Variants in PDE4D observed in about 807,000 individuals in gnomAD.
The protein encoded by PDE4D is 3',5'-cyclic-AMP phosphodiesterase 4D.
PDE4D carries 24 observed loss-of-function variants against 87.4 expected under a neutral mutation model. That is an observed-to-expected ratio of 0.27 (90% CI 0.20 to 0.39). The LOEUF is 0.39. PDE4D is among the 10% of genes least tolerant of loss of function. PDE4D has a pLI of 1.00. For missense variants in PDE4D, 714 were observed against 1,041.0 expected (o/e 0.69, Z 4.32); for synonymous variants, 384 against 383.2 (o/e 1.00, Z -0.02).
chr5:60,210,802 GGTAGGCTACAAT>G (rs1242490623), intron 1 of PDE4D, among the ~76,000 whole-genome samples: 1 of 148,648 alleles, frequency 6.7e-6, no homozygotes, highest in Non-Finnish European at 1.5e-5. Flanking sequence ...AGGTAGTTCT[GGTAGGCTACAAT>G]GTAGGGGAAG....
At chr5:59,810,814 A>T (rs755510114) in intron 1 of PDE4D, among the ~76,000 whole-genome samples, 4 of 152,216 alleles carry the variant, frequency 2.6e-5, no homozygotes, top group Admixed American at 6.5e-5. Flanking sequence ...AAATCAGTGC[A>T]TTTTCATTTG....
chr5:59,635,292 C>T (rs1832092243), intron 1 of PDE4D, among the ~76,000 whole-genome samples: 1 of 152,112 alleles, frequency 6.6e-6, no homozygotes, highest in South Asian at 2.1e-4. Flanking sequence ...AATTCACAGC[C>T]AAATTCTACC....
chr5:60,104,640 G>A (rs1161794072), intron 2 of PDE4D, among the ~76,000 whole-genome samples: 2 of 152,140 alleles, frequency 1.3e-5, no homozygotes, highest in East Asian at 1.9e-4. Flanking sequence ...CACCACACAC[G>A]GCCAAGTACT....
At chr5:59,461,683 G>C (rs376483213) in intron 1 of PDE4D, among the ~76,000 whole-genome samples, 38 of 152,140 alleles carry the variant, frequency 2.5e-4, no homozygotes, top group African/African-American at 9.2e-4. Flanking sequence ...TGTTGTAATT[G>C]GTTTATTTGT....
chr5:59,416,659 G>A (rs988469451), intron 1 of PDE4D, among the ~76,000 whole-genome samples: 5 of 152,138 alleles, frequency 3.3e-5, no homozygotes, highest in African/African-American at 1.2e-4. Flanking sequence ...TGCATATGAA[G>A]CAATGTGTCC....
intron 1 of PDE4D, among the ~76,000 whole-genome samples, chr5:59,507,679 A>AAAAAAAAAAAAAAAAAAAAGAAAAG (rs61334148): frequency 4.2e-5 from 5 of 118,712 alleles, no homozygotes; most frequent in Non-Finnish European, 6.7e-5. Context: ...AAAAAAAAAA[A>AAAAAAAAAAAAAAAAAAAAGAAAAG]AAAAGAAAAG....
chr5:59,491,245 G>T (rs1806127657), intron 1 of PDE4D, among the ~76,000 whole-genome samples: 1 of 152,080 alleles, frequency 6.6e-6, no homozygotes, highest in African/African-American at 2.4e-5. Context: ...ATAACATAAA[G>T]TTGATAATAG....
intron 2 of PDE4D, among the ~76,000 whole-genome samples, chr5:60,059,092 T>G (rs1166865063): frequency 1.6e-5 from 2 of 123,038 alleles, no homozygotes; most frequent in East Asian, 3.9e-4. Context: ...AATAAACATG[T>G]TATTTCTCCA....
intron 1 of PDE4D, among the ~76,000 whole-genome samples, chr5:59,394,483 A>G (rs1286570640): frequency 6.6e-6 from 1 of 152,208 alleles, no homozygotes; most frequent in Admixed American, 6.5e-5. Flanking sequence ...TAATGTTACC[A>G]TTAATGCATG....
chr5:59,924,173 C>A (rs57605159), intron 3 of PDE4D, among the ~76,000 whole-genome samples: 3,339 of 152,056 alleles, frequency 0.022, 132 homozygotes, highest in African/African-American at 0.077. Context: ...AGTACACAGT[C>A]AGAAGAGACA....
At position 60,157,805 on chromosome 5, in the gene PDE4D, A is replaced by G. The variant is rs565052375; in HGVS notation, c.42+27752T>C. Among the ~76,000 whole-genome samples, 7 of 152,292 alleles carry G rather than the reference A, an allele frequency of 4.6e-5. No individual in the cohort carries two copies. In the South Asian group the frequency reaches 1.4e-3, roughly 32 times the overall value. ...CTCAGTTAGCTTTTCCCAATAAATA[A>G]TAATGTGATATTATTTAAATACAAA... On this transcript the variant is annotated intron_variant, in intron 2 of 16. Transcript: ENST00000502484.
At chr5:60,265,326 C>T (rs530453360) in intron 1 of PDE4D, among the ~76,000 whole-genome samples, 17 of 152,316 alleles carry the variant, frequency 1.1e-4, no homozygotes, top group African/African-American at 3.8e-4. Flanking sequence ...GCCCTGGTCC[C>T]CACAAGAGGA....
intron 5 of PDE4D, among the ~76,000 whole-genome samples, chr5:59,147,624 C>T (rs560506543): frequency 6.6e-6 from 1 of 152,274 alleles, no homozygotes; most frequent in South Asian, 2.1e-4. Context: ...CTGTTGAAAT[C>T]TCTACTCTTT....
intron 2 of PDE4D, chr5:59,193,875 A>G: frequency 1.5e-6 from 1 of 688,816 alleles, no homozygotes; most frequent in Non-Finnish European, 1.8e-6. Flanking sequence ...AGATATTAGT[A>G]AGGGGTGCTG....
chr5:59,354,008 G>A (rs187460023), intron 1 of PDE4D, among the ~76,000 whole-genome samples: 1 of 152,072 alleles, frequency 6.6e-6, no homozygotes, highest in Admixed American at 6.5e-5. Context: ...TGTACACCTG[G>A]CTTTCCTTTA....
At chr5:60,131,181 A>G (rs1779535950) in intron 2 of PDE4D, among the ~76,000 whole-genome samples, 1 of 152,156 alleles carries the variant, frequency 6.6e-6, no homozygotes, top group Non-Finnish European at 1.5e-5. Context: ...TAATGTTTTC[A>G]TTAAATAAAC....
chr5:60,277,126 T>C (rs1217932872), intron 1 of PDE4D, among the ~76,000 whole-genome samples: 1 of 151,934 alleles, frequency 6.6e-6, no homozygotes, highest in East Asian at 1.9e-4. Context: ...TATATACATA[T>C]ACATAATAAA....
At chr5:59,967,701 A>T (rs149253569) in intron 3 of PDE4D, among the ~76,000 whole-genome samples, 117 of 152,318 alleles carry the variant, frequency 7.7e-4, no homozygotes, top group African/African-American at 2.7e-3. Context: ...TTTCTCAAAG[A>T]ACTTAAAACA....
chr5:59,322,771 C>T (rs1423033957), intron 1 of PDE4D, among the ~76,000 whole-genome samples: 1 of 152,050 alleles, frequency 6.6e-6, no homozygotes, highest in Non-Finnish European at 1.5e-5. Context: ...CTACTTGCCA[C>T]ATTGGGAGTT....
Sources: allele counts gnomAD v4.1 joint callset (sites outside exome capture counted in the v4.1 genomes callset), GRCh38; gene constraint gnomAD v4.1.1; transcripts MANE v1.5; gene names NCBI Gene and HGNC (gene_info 2026-07-23, HGNC 2026-07-21).